KAZN: variants seen among roughly 807,000 people sequenced by gnomAD.
KAZN encodes the protein kazrin.
A neutral mutation model predicts 87.4 loss-of-function variants in KAZN; 40 were observed. The ratio of observed to expected loss-of-function variants is 0.46; its 90% CI spans 0.36 to 0.60. KAZN has a LOEUF of 0.60. KAZN is among the 20% of genes least tolerant of loss of function. The probability of loss-of-function intolerance (pLI) is 0.00; values close to 1 mark genes in which losing one functional copy is unlikely to be tolerated. For missense variants in KAZN, 898 were observed against 1,073.9 expected (o/e 0.84, Z 2.29); for synonymous variants, 466 against 458.3 (o/e 1.02, Z -0.22).
At chr1:14,527,957 C>T (rs992027732) in intron 2 of KAZN, among the ~76,000 whole-genome samples, 26 of 152,052 alleles carry the variant, frequency 1.7e-4, no homozygotes, top group African/African-American at 6.0e-4. Flanking sequence ...TGTCTGGTGC[C>T]TGGGCGGGGA....
At chr1:14,918,478 C>T (rs995474654) in intron 1 of KAZN, among the ~76,000 whole-genome samples, 4 of 151,538 alleles carry the variant, frequency 2.6e-5, no homozygotes, top group African/African-American at 9.7e-5. Context: ...GAGTTCGAGA[C>T]CAGCCAGACC....
chr1:14,210,908 A>G (rs1234327141), intron 2 of KAZN, among the ~76,000 whole-genome samples: 1 of 152,166 alleles, frequency 6.6e-6, no homozygotes, highest in African/African-American at 2.4e-5. Context: ...CACACTGTTC[A>G]TATGTCAATG....
intron 2 of KAZN, among the ~76,000 whole-genome samples, chr1:14,204,925 A>G (rs1245694939): frequency 2.0e-5 from 3 of 152,222 alleles, no homozygotes; most frequent in Admixed American, 6.5e-5. Context: ...ATAAACTGAA[A>G]TCTCAGCAAC....
At chr1:14,679,495 T>C (rs1182072422) in intron 1 of KAZN, among the ~76,000 whole-genome samples, 1 of 151,936 alleles carries the variant, frequency 6.6e-6, no homozygotes, top group Non-Finnish European at 1.5e-5. Context: ...GGGTTCCGGA[T>C]TGGTTGATTT....
intron 1 of KAZN, among the ~76,000 whole-genome samples, chr1:14,954,542 G>A (rs549781576): frequency 4.6e-5 from 7 of 152,312 alleles, no homozygotes; most frequent in East Asian, 3.9e-4. Context: ...GGAGAGCTTC[G>A]TGCAGTCATG....
intron 1 of KAZN, among the ~76,000 whole-genome samples, chr1:14,617,786 T>C (rs1425147174): frequency 4.6e-5 from 7 of 152,176 alleles, no homozygotes; most frequent in Non-Finnish European, 4.4e-5. Flanking sequence ...CTAGTTAAAA[T>C]TGGAGTCTTG....
intron 1 of KAZN, among the ~76,000 whole-genome samples, chr1:14,956,416 A>G (rs1016176788): frequency 6.6e-6 from 1 of 152,136 alleles, no homozygotes; most frequent in Non-Finnish European, 1.5e-5. Context: ...CCTAGCCAAC[A>G]TGGTGAAACC....
chr1:13,928,715 T>G (rs7535450), intron 1 of KAZN, among the ~76,000 whole-genome samples: 37,273 of 152,114 alleles, frequency 0.25, 4,744 homozygotes, highest in South Asian at 0.34. Context: ...GGGCATATTT[T>G]GGGGAAAGAA....
intron 2 of KAZN, among the ~76,000 whole-genome samples, chr1:15,006,833 G>A (rs113584302): frequency 0.084 from 12,826 of 152,014 alleles, 696 homozygotes; most frequent in South Asian, 0.18. Context: ...GAGGCAGGCG[G>A]ATCACGAGGT....
intron 1 of KAZN, among the ~76,000 whole-genome samples, chr1:14,134,681 T>TCAAAACAA (rs1351099339): frequency 2.0e-5 from 3 of 152,128 alleles, no homozygotes; most frequent in African/African-American, 7.2e-5. Context: ...AAAGAGATAT[T>TCAAAACAA]AGCAGCATAT....
At chr1:14,147,287 C>T (rs547998530) in intron 1 of KAZN, among the ~76,000 whole-genome samples, 2 of 152,220 alleles carry the variant, frequency 1.3e-5, no homozygotes, top group African/African-American at 4.8e-5. Context: ...TGCTAACCCT[C>T]GTGTTGTTCA....
At chr1:14,985,271 A>G (rs1021624808) in intron 2 of KAZN, among the ~76,000 whole-genome samples, 1 of 142,270 alleles carries the variant, frequency 7.0e-6, no homozygotes, top group African/African-American at 2.7e-5. Context: ...TGGGAGGCCA[A>G]GGTGGGAGGC....
intron 1 of KAZN, among the ~76,000 whole-genome samples, chr1:14,874,637 C>T (rs1487913307): frequency 6.6e-6 from 1 of 152,194 alleles, no homozygotes; most frequent in Non-Finnish European, 1.5e-5. Context: ...ACTCCGTGTG[C>T]CAGAACCAAA....
At position 14,024,403 on chromosome 1, in the gene KAZN, G is replaced by T. The variant is rs547191396; in HGVS notation, c.91+130647G>T. 5.3e-5 allele frequency among the ~76,000 whole-genome samples: 8 copies of T among 152,262 alleles called. No individual in the cohort carries two copies. In the East Asian group the frequency reaches 1.3e-3, roughly 26 times the overall value. On this transcript the variant is annotated intron_variant, in intron 1 of 16. Transcript: ENST00000636203. ...AAAGATCACATATACTCACACAGAA[G>T]AACTAAAAGAAAACAGAAAAATAAA...
At chr1:14,827,768 T>G (rs1372215650) in intron 1 of KAZN, among the ~76,000 whole-genome samples, 1 of 152,204 alleles carries the variant, frequency 6.6e-6, no homozygotes, top group African/African-American at 2.4e-5. Context: ...CCTTCAAAGT[T>G]TGGGAACCAG....
chr1:15,102,874 C>A (rs72873812), intron 11 of KAZN, among the ~76,000 whole-genome samples: 3,040 of 152,282 alleles, frequency 0.02, 107 homozygotes, highest in African/African-American at 0.069. Context: ...CATGCCACGC[C>A]GAGGACAGGG....
At chr1:14,334,934 T>C (rs1159515367) in intron 2 of KAZN, among the ~76,000 whole-genome samples, 3 of 142,954 alleles carry the variant, frequency 2.1e-5, no homozygotes, top group African/African-American at 3.0e-5. Context: ...GACACAGAAA[T>C]AGACACAGAG....
chr1:14,841,802 A>C (rs1261297413), intron 1 of KAZN, among the ~76,000 whole-genome samples: 1 of 152,196 alleles, frequency 6.6e-6, no homozygotes, highest in Non-Finnish European at 1.5e-5. Flanking sequence ...GAATGAATGC[A>C]CCAGGCAATG....
intron 2 of KAZN, among the ~76,000 whole-genome samples, chr1:14,564,593 CA>C (rs1316447033): frequency 6.7e-6 from 1 of 149,974 alleles, no homozygotes; most frequent in Non-Finnish European, 1.5e-5. Flanking sequence ...ATCACGAGGT[CA>C]AGAGTTCAAG....
Sources: allele counts gnomAD v4.1 joint callset (sites outside exome capture counted in the v4.1 genomes callset), GRCh38; gene constraint gnomAD v4.1.1; transcripts MANE v1.5; gene names NCBI Gene and HGNC (gene_info 2026-07-23, HGNC 2026-07-21).